COL10A1: variants seen among roughly 807,000 people sequenced by gnomAD.
The protein encoded by COL10A1 is collagen alpha-1(X) chain.
In COL10A1, 10 loss-of-function variants were observed where a neutral mutation model predicts 18.2. The ratio of observed to expected loss-of-function variants is 0.55; its 90% CI spans 0.34 to 0.93. The LOEUF is 0.93. Among genes scored for constraint, COL10A1 ranks in the 40% least tolerant of loss-of-function variants. The probability of loss-of-function intolerance (pLI) is 0.02; values close to 1 mark genes in which losing one functional copy is unlikely to be tolerated. For missense variants in COL10A1, 897 were observed against 853.5 expected, an observed-to-expected ratio of 1.05 and a Z score of -0.64; for synonymous variants, 330 against 316.6, an observed-to-expected ratio of 1.04 and a Z score of -0.45.
At chr6:116,128,949 G>A (rs1779392994), upstream of COL10A1, among the ~76,000 whole-genome samples, 1 of 152,040 alleles carries the variant, frequency 6.6e-6, no homozygotes, top group African/African-American at 2.4e-5. Context: ...GTCTTTTATA[G>A]TAGTGAGAAT....
chr6:116,190,651 G>GTTC, the COL10A1 span, among the ~76,000 whole-genome samples: 1 of 152,028 alleles, frequency 6.6e-6, no homozygotes, highest in Non-Finnish European at 1.5e-5. Context: ...TGCTTTATTG[G>GTTC]ATCGTCAATA....
chr6:116,209,385 T>C, the COL10A1 span, among the ~76,000 whole-genome samples: 7 of 152,134 alleles, frequency 4.6e-5, no homozygotes, highest in Admixed American at 2.6e-4. Context: ...CTTACTTCTG[T>C]AGTTAGGAAT....
chr6:116,121,283 G>A lies in COL10A1; in HGVS notation c.833C>T (p.Pro278Leu), dbSNP rs553548577. The change falls in exon 3 of 3, where the codon CCA (proline) becomes CTA (leucine). Residue 278 changes from proline to leucine, a missense_variant. By Grantham distance (98) the Pro-to-Leu change is moderately conservative (BLOSUM62 -3). Coordinates refer to ENST00000651968, the MANE Select transcript of COL10A1 (RefSeq NM_000493.4). ...AGCCCCAGGGAGACCTTTTGTTCCT[G>A]GAATCCCTGGCTGGCCTGGGGCTCC... ...AAGAPGQPGIPGTKGLPGAPG... is the reference protein window; with the variant it reads ...AAGAPGQPGILGTKGLPGAPG... 5 of 1,614,022 alleles carry A rather than the reference G, an allele frequency of 3.1e-6. No individual in the cohort carries two copies. The East Asian group carries it at 1.1e-4, about 36-fold the overall frequency.
At chr6:116,192,391 C>A in the COL10A1 span, among the ~76,000 whole-genome samples, 1 of 151,894 alleles carries the variant, frequency 6.6e-6, no homozygotes, top group Non-Finnish European at 1.5e-5. Context: ...GATGCCATTT[C>A]TACTTTAAAG....
the COL10A1 span, among the ~76,000 whole-genome samples, chr6:116,196,647 A>G: frequency 6.6e-6 from 1 of 152,000 alleles, no homozygotes; most frequent in African/African-American, 2.4e-5. Flanking sequence ...ACACTAAACA[A>G]AATAGTGTTT....
chr6:116,123,478 C>T (rs1043868856), intron 2 of COL10A1, among the ~76,000 whole-genome samples: 2 of 152,204 alleles, frequency 1.3e-5, no homozygotes, highest in African/African-American at 2.4e-5. Context: ...AAACTGAAAT[C>T]GTGATTGGTT....
At chr6:116,204,616 A>G in the COL10A1 span, among the ~76,000 whole-genome samples, 1 of 152,008 alleles carries the variant, frequency 6.6e-6, no homozygotes, top group African/African-American at 2.4e-5. Context: ...TTTAACATTT[A>G]TAAGCCCTAA....
At chr6:116,161,628 T>G (rs1176712723), upstream of COL10A1, among the ~76,000 whole-genome samples, 2 of 152,198 alleles carry the variant, frequency 1.3e-5, no homozygotes, top group Non-Finnish European at 2.9e-5. Flanking sequence ...TTGGTTACAT[T>G]AGACTTGTAG....
At chr6:116,127,235 A>G (rs1361897624), upstream of COL10A1, among the ~76,000 whole-genome samples, 1 of 152,152 alleles carries the variant, frequency 6.6e-6, no homozygotes, top group Non-Finnish European at 1.5e-5. Flanking sequence ...TGAATGAACT[A>G]AAGATTTGTC....
chr6:116,211,834 G>A, the COL10A1 span, among the ~76,000 whole-genome samples: 1 of 151,992 alleles, frequency 6.6e-6, no homozygotes, highest in Non-Finnish European at 1.5e-5. Context: ...GGTTCTTCAT[G>A]TCCCTAGCCT....
At chr6:116,200,473 G>A in the COL10A1 span, among the ~76,000 whole-genome samples, 4 of 152,024 alleles carry the variant, frequency 2.6e-5, no homozygotes, top group African/African-American at 9.6e-5. Flanking sequence ...ATATTGATAG[G>A]GAAATTGAGT....
upstream of COL10A1, among the ~76,000 whole-genome samples, chr6:116,161,314 A>C (rs1582844082): frequency 6.6e-6 from 1 of 152,076 alleles, no homozygotes; most frequent in Non-Finnish European, 1.5e-5. Context: ...CACATTGTGC[A>C]CATGTACCCT....
chr6:116,197,314 T>C, the COL10A1 span, among the ~76,000 whole-genome samples: 2 of 152,016 alleles, frequency 1.3e-5, no homozygotes, highest in Non-Finnish European at 2.9e-5. Context: ...GGTGGCCAAC[T>C]GAGACTTATA....
intron 1 of COL10A1, among the ~76,000 whole-genome samples, chr6:116,133,140 C>G (rs924441048): frequency 6.6e-6 from 1 of 152,144 alleles, no homozygotes; most frequent in East Asian, 1.9e-4. Context: ...CTCATAGTTT[C>G]GTGCGCCAAG....
At chr6:116,204,836 A>G in the COL10A1 span, among the ~76,000 whole-genome samples, 2 of 152,008 alleles carry the variant, frequency 1.3e-5, no homozygotes, top group African/African-American at 4.8e-5. Context: ...AGTGTGTAGT[A>G]GGTGCTCAGT....
At chr6:116,163,446 T>C (rs1220749307), upstream of COL10A1, among the ~76,000 whole-genome samples, 1 of 152,058 alleles carries the variant, frequency 6.6e-6, no homozygotes, top group Non-Finnish European at 1.5e-5. Context: ...ATGTTTCGTA[T>C]TTCTGTGGTA....
intron 1 of COL10A1, among the ~76,000 whole-genome samples, chr6:116,133,962 C>G (rs1192767857): frequency 6.6e-6 from 1 of 152,120 alleles, no homozygotes; most frequent in Non-Finnish European, 1.5e-5. Flanking sequence ...TGCTGAAATT[C>G]TTACTATCTT....
the COL10A1 span, among the ~76,000 whole-genome samples, chr6:116,175,730 T>C: frequency 6.6e-6 from 1 of 152,210 alleles, no homozygotes; most frequent in East Asian, 1.9e-4. Flanking sequence ...ATCTTCCTCA[T>C]CTCAGATACT....
chr6:116,207,091 A>C, the COL10A1 span, among the ~76,000 whole-genome samples: 5 of 151,974 alleles, frequency 3.3e-5, no homozygotes, highest in South Asian at 2.1e-4. Context: ...TTTTATTAGA[A>C]AATAGTTTCA....
Sources: gnomAD v4.1 joint callset for allele counts (sites outside exome capture counted in the v4.1 genomes callset) on GRCh38, gnomAD v4.1.1 for gene constraint, MANE v1.5 for transcripts, NCBI Gene and HGNC (gene_info 2026-07-23, HGNC 2026-07-21) for gene names.